Variants in CNIH3 observed in about 807,000 individuals in gnomAD.
The protein encoded by CNIH3 is protein cornichon homolog 3.
CNIH3 carries 14 observed loss-of-function variants against 24.1 expected under a neutral mutation model. That is an observed-to-expected ratio of 0.58 (90% CI 0.38 to 0.91). CNIH3 has a LOEUF of 0.91. Among genes scored for constraint, CNIH3 ranks in the 40% least tolerant of loss-of-function variants. The probability of loss-of-function intolerance (pLI) is 0.00; values close to 1 mark genes in which losing one functional copy is unlikely to be tolerated. For synonymous variants in CNIH3, 68 were observed against 73.8 expected, an observed-to-expected ratio of 0.92 and a Z score of 0.40; for missense variants, 178 against 196.8, an observed-to-expected ratio of 0.90 and a Z score of 0.57.
intron 4 of CNIH3, among the ~76,000 whole-genome samples, chr1:224,733,009 TC>T (rs1302113940): frequency 6.6e-6 from 1 of 152,018 alleles, no homozygotes; most frequent in African/African-American, 2.4e-5. Flanking sequence ...ACACCCTTTA[TC>T]CCCCTTTTTA....
chr1:224,574,574 C>A, intron 4 of CNIH3: 1 of 778,144 alleles, frequency 1.3e-6, no homozygotes, highest in Non-Finnish European at 2.4e-6. Context: ...ACTGTGCCCA[C>A]GTGTACCAGA....
chr1:224,519,773 G>C (rs1678549482), intron 1 of CNIH3, among the ~76,000 whole-genome samples: 1 of 151,422 alleles, frequency 6.6e-6, no homozygotes, highest in Non-Finnish European at 1.5e-5. Flanking sequence ...TGTATCTCCT[G>C]TTGGTTCTGT....
chr1:224,466,375 A>T (rs1402865428), intron 1 of CNIH3, among the ~76,000 whole-genome samples: 2 of 152,030 alleles, frequency 1.3e-5, no homozygotes, highest in Non-Finnish European at 2.9e-5. Context: ...GTAGCTTTTT[A>T]AAAAAATCAA....
At position 224,730,552 on chromosome 1, in the gene CNIH3, C is replaced by A. The variant is rs1490332043; in HGVS notation, c.289C>A (p.Leu97Ile). ...GCTCACGCTGGGGCTGAATGTCCCT[C>A]TACTTTTCTATCACTTCTGGAGGTA... ...EWLTLGLNVPLLFYHFWRYFH... is the reference protein window; with the variant it reads ...EWLTLGLNVPILFYHFWRYFH... The change falls in exon 4 of 6, where the codon CTA becomes ATA. Residue 97 changes from leucine to isoleucine, a missense_variant. Transcript: ENST00000272133. 8.4e-6 allele frequency: 13 copies of A among 1,554,890 alleles called. No individual in the cohort carries two copies. Among genetic ancestry groups the A allele is most frequent in the Non-Finnish European group, 1.1e-5 (13 of 1,147,630 alleles).
In CNIH3 at chr1:224,739,491, A is replaced by T; in HGVS notation, c.*135A>T. ...TAGACCCGGCAGGCAGTCAGACTGA[A>T]TGGGAGCTGGAATCACGCAGCAGCT... On this transcript the variant is annotated 3_prime_UTR_variant, in exon 6 of 6. Coordinates refer to ENST00000272133, the MANE Select transcript of CNIH3 (RefSeq NM_152495.2). 6.6e-7 allele frequency: 1 copy of T among 1,504,466 alleles called. No individual in the cohort carries two copies. The highest frequency in any genetic ancestry group is 9.0e-7 in the Non-Finnish European group (1 of 1,116,066). The allele number at this position is 1,504,466 out of a possible 1,614,324, so 93.2% of individuals were successfully genotyped here.
chr1:224,521,716 A>G (rs750736694), intron 2 of CNIH3, among the ~76,000 whole-genome samples: 1 of 152,236 alleles, frequency 6.6e-6, no homozygotes, highest in Non-Finnish European at 1.5e-5. Flanking sequence ...AAGGGGTGGT[A>G]GAGGGATGAG....
intron 3 of CNIH3, among the ~76,000 whole-genome samples, chr1:224,709,438 A>G (rs1688008591): frequency 6.6e-6 from 1 of 152,256 alleles, no homozygotes; most frequent in East Asian, 1.9e-4. Context: ...AGTCTAGATG[A>G]GAGCCGAAGA....
chr1:224,683,914 G>A (rs1198776394), intron 2 of CNIH3, among the ~76,000 whole-genome samples: 3 of 152,170 alleles, frequency 2.0e-5, no homozygotes, highest in African/African-American at 7.2e-5. Flanking sequence ...GTCCTGATGT[G>A]GGCTTCTTCC....
chr1:224,434,751 C>CGCTCT (rs1456142614), exon 1 of CNIH3: 3 of 987,068 alleles, frequency 3.0e-6, no homozygotes, highest in African/African-American at 3.5e-5. Flanking sequence ...GGATCCGCTC[C>CGCTCT]GCTCTGCTCC....
In CNIH3 at chr1:224,578,951, A is replaced by G. The variant is rs187327326; in HGVS notation, n.517-4213A>G. ...GGAAACTCATGTTTTCCATCCAGGG[A>G]TATCTCAATTATTTCTTTGTCGATG... is the stretch of plus-strand genomic sequence containing the variant. On this transcript the variant is annotated intron_variant and non_coding_transcript_variant, in intron 4 of 5. Transcript: ENST00000471578. Among the ~76,000 whole-genome samples the G allele has an allele frequency of 1.9e-3, 292 of 152,204 alleles. 1 individual carries two copies. Among genetic ancestry groups the G allele is most frequent in the Non-Finnish European group, 2.9e-3 (200 of 68,024 alleles).
chr1:224,637,589 C>T (rs1684156809), intron 1 of CNIH3, among the ~76,000 whole-genome samples: 1 of 152,144 alleles, frequency 6.6e-6, no homozygotes, highest in South Asian at 2.1e-4. Flanking sequence ...TGTTAACCAC[C>T]AACAAAACCA....
At chr1:224,542,032 C>T (rs947886929), downstream of CNIH3, among the ~76,000 whole-genome samples, 10 of 152,120 alleles carry the variant, frequency 6.6e-5, no homozygotes, top group Non-Finnish European at 1.0e-4. Flanking sequence ...ACTTTTCTGC[C>T]GGATGTTCAG....
At chr1:224,525,255 A>C (rs1324557543) in intron 2 of CNIH3, among the ~76,000 whole-genome samples, 2 of 152,246 alleles carry the variant, frequency 1.3e-5, no homozygotes, top group African/African-American at 4.8e-5. Context: ...TGTGTTTTGC[A>C]TATATTTGGT....
intron 5 of CNIH3, among the ~76,000 whole-genome samples, chr1:224,738,372 A>G (rs1393773977): frequency 6.6e-6 from 1 of 152,194 alleles, no homozygotes; most frequent in East Asian, 1.9e-4. Flanking sequence ...TCTGGCCCTC[A>G]GCTTCCCCAA....
chr1:224,596,145 A>G (rs1042017139), intron 3 of CNIH3, among the ~76,000 whole-genome samples: 16 of 152,260 alleles, frequency 1.1e-4, no homozygotes, highest in Non-Finnish European at 2.4e-4. Flanking sequence ...TCATAGCTAG[A>G]GAGGAAAAGT....
At chr1:224,587,905 T>C (rs1193430161) in intron 5 of CNIH3, among the ~76,000 whole-genome samples, 1 of 151,768 alleles carries the variant, frequency 6.6e-6, no homozygotes, top group Non-Finnish European at 1.5e-5. Context: ...TGCACCATTG[T>C]ACTTCAGCCT....
intron 3 of CNIH3, among the ~76,000 whole-genome samples, chr1:224,596,818 A>G (rs767981146): frequency 2.0e-5 from 3 of 152,168 alleles, no homozygotes; most frequent in Non-Finnish European, 4.4e-5. Context: ...GTCTTTTGTT[A>G]TAATGTTGGG....
chr1:224,550,009 T>A (rs1679850452), intron 3 of CNIH3, among the ~76,000 whole-genome samples: 1 of 152,166 alleles, frequency 6.6e-6, no homozygotes, highest in Non-Finnish European at 1.5e-5. Context: ...TATCACAGTG[T>A]GTAAACACAG....
In CNIH3 at chr1:224,502,683, C is replaced by T. The variant is rs79297486; in HGVS notation, n.204-13058C>T. On this transcript the variant is annotated intron_variant and non_coding_transcript_variant, in intron 1 of 5. Coordinates refer to the CNIH3 transcript ENST00000471578. ...CAACCCCCCTGCTTACATTCCCTGC[C>T]GAGTTCTACATAAACAATCAGCTGA... Among the ~76,000 whole-genome samples, 14 of 152,284 alleles carry T rather than the reference C, an allele frequency of 9.2e-5. No homozygotes were observed. The East Asian group carries it at 1.7e-3, about 19-fold the overall frequency.
Sources: gnomAD v4.1 joint callset for allele counts (sites outside exome capture counted in the v4.1 genomes callset) on GRCh38, gnomAD v4.1.1 for gene constraint, MANE v1.5 for transcripts, NCBI Gene and HGNC (gene_info 2026-07-23, HGNC 2026-07-21) for gene names.